Variants in CYRIA observed in about 807,000 individuals in gnomAD.
The protein encoded by CYRIA is CYFIP related Rac1 interactor A, also known as CYFIP-related Rac1 interactor A.
Under a neutral mutation model 43.9 loss-of-function variants are expected in CYRIA, and 15 were observed. The observed-to-expected ratio is 0.34, with a 90% CI of 0.23 to 0.53. CYRIA has a LOEUF of 0.53. CYRIA is among the 20% of genes least tolerant of loss of function. The probability of loss-of-function intolerance (pLI) is 0.94; values close to 1 mark genes in which losing one functional copy is unlikely to be tolerated. For synonymous variants in CYRIA, 117 were observed against 136.0 expected (o/e 0.86, Z 0.97); for missense variants, 236 against 394.2 (o/e 0.60, Z 3.40).
chr2:16,561,814 T>C (rs1428620610), intron 6 of CYRIA, among the ~76,000 whole-genome samples, 191 bp downstream of exon 6: 3 of 152,176 alleles, frequency 2.0e-5, no homozygotes, highest in East Asian at 1.9e-4. Flanking sequence ...AATTTCCATA[T>C]ACAAATCATC....
At chr2:16,662,590 A>T (rs916360987) in intron 1 of CYRIA, among the ~76,000 whole-genome samples, 2 of 152,208 alleles carry the variant, frequency 1.3e-5, no homozygotes, top group Non-Finnish European at 2.9e-5. Context: ...ACCATGATGA[A>T]GTTGGAACCG....
intron 3 of CYRIA, among the ~76,000 whole-genome samples, chr2:16,587,421 A>G (rs1667769627): frequency 6.6e-6 from 1 of 152,140 alleles, no homozygotes; most frequent in Non-Finnish European, 1.5e-5. Context: ...AAAGACTAAA[A>G]TGATCCTCTA....
At chr2:16,566,536 G>A (rs1367251896) in intron 3 of CYRIA, among the ~76,000 whole-genome samples, 1 of 152,192 alleles carries the variant, frequency 6.6e-6, no homozygotes, top group African/African-American at 2.4e-5. Flanking sequence ...TCATGTTCAG[G>A]AGGTTTGGCA....
At chr2:16,636,625 T>C (rs1398228811) in intron 1 of CYRIA, among the ~76,000 whole-genome samples, 1 of 152,086 alleles carries the variant, frequency 6.6e-6, no homozygotes, top group African/African-American at 2.4e-5. Context: ...AAAATGTTTT[T>C]GTTGAGGTCT....
intron 4 of CYRIA, among the ~76,000 whole-genome samples, 171 bp downstream of exon 4, chr2:16,565,475 C>T (rs532986091): frequency 1.2e-4 from 19 of 152,132 alleles, no homozygotes; most frequent in Non-Finnish European, 1.8e-4. Flanking sequence ...CGTGAGCCAC[C>T]GCAGCCGGCC....
intron 2 of CYRIA, among the ~76,000 whole-genome samples, chr2:16,609,841 A>G (rs1341339134): frequency 1.3e-5 from 2 of 152,046 alleles, no homozygotes; most frequent in African/African-American, 2.4e-5. Flanking sequence ...TCAACCTGAT[A>G]TTTTATTCAC....
intron 1 of CYRIA, among the ~76,000 whole-genome samples, chr2:16,644,247 T>C (rs904551728): frequency 6.6e-6 from 1 of 152,178 alleles, no homozygotes; most frequent in African/African-American, 2.4e-5. Flanking sequence ...AAAGTTAGAA[T>C]TGAATGCCTG....
intron 3 of CYRIA, among the ~76,000 whole-genome samples, chr2:16,577,993 A>C (rs868346322): frequency 6.6e-6 from 1 of 152,122 alleles, no homozygotes. Flanking sequence ...GCCACCAGCC[A>C]CTCTCCAGTA....
Position 16,638,358 on chromosome 2 carries a change from T to C in CYRIA, c.-166-14339A>G, listed in dbSNP as rs556811812. Among the ~76,000 whole-genome samples the C allele has an allele frequency of 5.4e-3, 827 of 152,212 alleles. 5 individuals carry two copies. Among genetic ancestry groups the C allele is most frequent in the Non-Finnish European group, 9.0e-3 (615 of 68,014 alleles). ...AGTGTGGCAGTTGCACAGGCTGGTG[T>C]GGAAGCATCCGTGGTGGGCACCGGA... On this transcript the variant is annotated intron_variant, in intron 1 of 11. Coordinates refer to ENST00000381323, the MANE Select transcript of CYRIA (RefSeq NM_030797.4).
At chr2:16,564,185 G>T in intron 4 of CYRIA, 91 bp from the exon 5 acceptor site, 3 of 973,432 alleles carry the variant, frequency 3.1e-6, no homozygotes, top group Non-Finnish European at 4.7e-6. Flanking sequence ...TACAATCCTT[G>T]CTATACTTTG....
intron 2 of CYRIA, among the ~76,000 whole-genome samples, chr2:16,599,532 G>A (rs1434212060): frequency 7.7e-6 from 1 of 129,272 alleles, no homozygotes; most frequent in East Asian, 2.2e-4. Context: ...GACTCGGAAA[G>A]GGAACTCCCT....
At chr2:16,652,695 C>T (rs1015042686) in intron 1 of CYRIA, among the ~76,000 whole-genome samples, 3 of 152,106 alleles carry the variant, frequency 2.0e-5, no homozygotes, top group Non-Finnish European at 2.9e-5. Flanking sequence ...GAGGGTTTCT[C>T]GAGAGCTTCC....
intron 11 of CYRIA, among the ~76,000 whole-genome samples, chr2:16,553,368 T>A (rs1326675770): frequency 6.6e-6 from 1 of 152,124 alleles, no homozygotes; most frequent in Admixed American, 6.5e-5. Context: ...TGCCCAGAAC[T>A]GGAATGTTTA....
chr2:16,639,820 G>C (rs569487099), intron 1 of CYRIA, among the ~76,000 whole-genome samples: 1 of 152,150 alleles, frequency 6.6e-6, no homozygotes, highest in Non-Finnish European at 1.5e-5. Context: ...CTGACACATA[G>C]ATGATATATT....
chr2:16,588,429 T>TA (rs74552750), intron 2 of CYRIA, among the ~76,000 whole-genome samples: 5,387 of 140,086 alleles, frequency 0.038, 303 homozygotes, highest in African/African-American at 0.12. Context: ...GTTCACCATA[T>TA]AAAAAAAAAA....
chr2:16,600,960 C>A (rs1047551398), intron 2 of CYRIA, among the ~76,000 whole-genome samples: 3 of 152,202 alleles, frequency 2.0e-5, no homozygotes, highest in Non-Finnish European at 4.4e-5. Context: ...CTTTTCTGCA[C>A]AGTAGAAGTC....
chr2:16,658,988 C>T (rs1475150200), intron 1 of CYRIA, among the ~76,000 whole-genome samples: 1 of 152,216 alleles, frequency 6.6e-6, no homozygotes, highest in African/African-American at 2.4e-5. Flanking sequence ...ATACTGCACT[C>T]AGTGCAGGCT....
intron 2 of CYRIA, among the ~76,000 whole-genome samples, chr2:16,602,535 T>A (rs376614686): frequency 1.3e-5 from 2 of 152,188 alleles, no homozygotes; most frequent in Middle Eastern, 3.2e-3. Context: ...TTTACGGGTA[T>A]AAGAACTCCA....
At chr2:16,665,032 A>G (rs1670353050) in intron 1 of CYRIA, among the ~76,000 whole-genome samples, 1 of 152,166 alleles carries the variant, frequency 6.6e-6, no homozygotes, top group Non-Finnish European at 1.5e-5. Flanking sequence ...GACACTGGCT[A>G]GCGAGTAGGA....
Sources: gnomAD v4.1 joint callset for allele counts (sites outside exome capture counted in the v4.1 genomes callset) on GRCh38, gnomAD v4.1.1 for gene constraint, MANE v1.5 for transcripts, NCBI Gene and HGNC (gene_info 2026-07-23, HGNC 2026-07-21) for gene names.